Variants in SGCZ observed in about 807,000 individuals in gnomAD.
SGCZ encodes the protein zeta-sarcoglycan.
Under a neutral mutation model 41.3 loss-of-function variants are expected in SGCZ, and 40 were observed. That is an observed-to-expected ratio of 0.97 (90% CI 0.75 to 1.26). The LOEUF (loss-of-function observed/expected upper bound fraction) is 1.26. SGCZ is among the 50% of genes most tolerant of loss of function. The pLI is 0.00. For missense variants in SGCZ, 552 were observed against 369.8 expected, an observed-to-expected ratio of 1.49 and a Z score of -4.04; for synonymous variants, 206 against 137.5, an observed-to-expected ratio of 1.50 and a Z score of -3.49.
chr8:14,622,587 A>T (rs1190777988), intron 1 of SGCZ, among the ~76,000 whole-genome samples: 1 of 152,202 alleles, frequency 6.6e-6, no homozygotes, highest in Admixed American at 6.6e-5. Context: ...GTTTGTTTTG[A>T]AAATAAAATG....
chr8:14,177,420 C>T (rs1339109371), intron 4 of SGCZ, among the ~76,000 whole-genome samples: 1 of 152,184 alleles, frequency 6.6e-6, no homozygotes, highest in African/African-American at 2.4e-5. Flanking sequence ...CAAGTTACAA[C>T]AACAACAAAT....
intron 1 of SGCZ, among the ~76,000 whole-genome samples, chr8:14,678,369 G>A (rs7005439): frequency 0.55 from 84,182 of 151,906 alleles, 24,638 homozygotes; most frequent in East Asian, 0.76. Context: ...CTAAAAAATG[G>A]GCCAGACACC....
intron 1 of SGCZ, among the ~76,000 whole-genome samples, chr8:15,005,121 T>G (rs1265987592): frequency 1.3e-5 from 2 of 152,134 alleles, no homozygotes; most frequent in African/African-American, 4.8e-5. Flanking sequence ...TGCCGGCTAG[T>G]AAGTTACTCA....
intron 1 of SGCZ, among the ~76,000 whole-genome samples, chr8:15,208,459 T>A (rs1585675537): frequency 6.6e-6 from 1 of 152,192 alleles, no homozygotes; most frequent in Admixed American, 6.5e-5. Flanking sequence ...TATAAGTCAG[T>A]TGTCAGAAAC....
intron 2 of SGCZ, among the ~76,000 whole-genome samples, chr8:14,474,524 T>G (rs1007639991): frequency 1.3e-5 from 2 of 152,180 alleles, no homozygotes; most frequent in Non-Finnish European, 2.9e-5. Flanking sequence ...TCCTCAATGT[T>G]TAGTCATGGT....
rs529180950 is a variant in SGCZ, at chr8:14,775,407, T to C, written c.40-220481A>G. On this transcript the variant is annotated intron_variant, in intron 1 of 7. Coordinates refer to ENST00000382080, the MANE Select transcript of SGCZ (RefSeq NM_139167.4). Reference sequence around the variant, plus strand: ...ACAAAGAATCATTCACTTACCTAATTATTTTCCTACGTCCCCACTCTGTGT... The same window carrying C: ...ACAAAGAATCATTCACTTACCTAATCATTTTCCTACGTCCCCACTCTGTGT... Among the ~76,000 whole-genome samples, 5 of 152,118 alleles carry C rather than the reference T, an allele frequency of 3.3e-5. No individual in the cohort carries two copies. In the South Asian group the frequency reaches 1.0e-3, roughly 32 times the overall value.
At chr8:14,615,411 C>T (rs192280017) in intron 1 of SGCZ, among the ~76,000 whole-genome samples, 65 of 152,358 alleles carry the variant, frequency 4.3e-4, no homozygotes, top group African/African-American at 1.0e-3. Context: ...ACTGCTCTCA[C>T]TGCTGGGTGG....
chr8:15,001,104 T>G (rs1802402732), intron 1 of SGCZ, among the ~76,000 whole-genome samples: 1 of 152,204 alleles, frequency 6.6e-6, no homozygotes, highest in Non-Finnish European at 1.5e-5. Context: ...AACTGGCCTC[T>G]TGGAATTCAA....
chr8:14,555,010 A>G (rs1291038941), intron 1 of SGCZ, 84 bp from the exon 2 acceptor site: 4 of 1,255,216 alleles, frequency 3.2e-6, no homozygotes. Flanking sequence ...TTTTGAAACA[A>G]AAGAACAATG....
chr8:14,644,410 C>T (rs1807138406), intron 1 of SGCZ, among the ~76,000 whole-genome samples: 2 of 151,976 alleles, frequency 1.3e-5, no homozygotes, highest in African/African-American at 4.8e-5. Flanking sequence ...ACACTACACA[C>T]TGCAACATCA....
intron 1 of SGCZ, among the ~76,000 whole-genome samples, chr8:14,942,476 A>G (rs1033104404): frequency 2.6e-5 from 4 of 152,152 alleles, no homozygotes; most frequent in African/African-American, 9.7e-5. Context: ...ATAGGATGAT[A>G]TAAATTGGAG....
intron 1 of SGCZ, among the ~76,000 whole-genome samples, chr8:15,176,724 G>A (rs1049178322): frequency 5.3e-5 from 8 of 152,148 alleles, no homozygotes; most frequent in Admixed American, 2.6e-4. Context: ...TATGTTGGCC[G>A]GACACAGTGG....
At chr8:15,226,923 C>T (rs1262307567) in intron 1 of SGCZ, among the ~76,000 whole-genome samples, 2 of 152,094 alleles carry the variant, frequency 1.3e-5, no homozygotes, top group East Asian at 3.9e-4. Flanking sequence ...CTTCTGAGCT[C>T]CAGCTTGGAT....
intron 1 of SGCZ, among the ~76,000 whole-genome samples, chr8:14,961,454 T>A (rs1242169365): frequency 6.6e-6 from 1 of 152,144 alleles, no homozygotes; most frequent in Non-Finnish European, 1.5e-5. Context: ...TCAGCTACCG[T>A]GGTACCATAC....
intron 3 of SGCZ, among the ~76,000 whole-genome samples, chr8:14,294,764 A>G (rs534701979): frequency 5.3e-5 from 8 of 152,130 alleles, no homozygotes; most frequent in Non-Finnish European, 1.0e-4. Flanking sequence ...AAATATTCCA[A>G]CAAAGATATC....
intron 1 of SGCZ, among the ~76,000 whole-genome samples, chr8:15,110,053 A>G (rs2131097621): frequency 6.6e-6 from 1 of 152,328 alleles, no homozygotes; most frequent in Non-Finnish European, 1.5e-5. Flanking sequence ...TTAATTATTC[A>G]GAGACATTTT....
chr8:14,846,518 C>A (rs962233326), intron 1 of SGCZ, among the ~76,000 whole-genome samples: 6 of 151,680 alleles, frequency 4.0e-5, no homozygotes, highest in Non-Finnish European at 8.8e-5. Context: ...CCACGGATAA[C>A]AAAAGAAAAA....
chr8:14,488,889 G>A (rs1261766447), intron 2 of SGCZ, among the ~76,000 whole-genome samples: 1 of 152,088 alleles, frequency 6.6e-6, no homozygotes, highest in African/African-American at 2.4e-5. Flanking sequence ...TTTAACTAAA[G>A]ATTAATTAGT....
At chr8:15,197,751 A>G (rs994082738) in intron 1 of SGCZ, among the ~76,000 whole-genome samples, 3 of 152,138 alleles carry the variant, frequency 2.0e-5, no homozygotes, top group Non-Finnish European at 4.4e-5. Flanking sequence ...TTAACCACTG[A>G]TTATTAGAAT....
Sources: gnomAD v4.1 joint callset for allele counts (sites outside exome capture counted in the v4.1 genomes callset) on GRCh38, gnomAD v4.1.1 for gene constraint, MANE v1.5 for transcripts, NCBI Gene and HGNC (gene_info 2026-07-23, HGNC 2026-07-21) for gene names.